EXOC6B: variants seen among roughly 807,000 people sequenced by gnomAD.
The protein encoded by EXOC6B is SEC15 homolog B.
A neutral mutation model predicts 113.5 loss-of-function variants in EXOC6B; 54 were observed. The observed-to-expected ratio is 0.48, with a 90% CI of 0.38 to 0.60. The LOEUF is 0.60. Among genes scored for constraint, EXOC6B ranks in the 20% least tolerant of loss-of-function variants. The pLI is 0.00. For missense variants in EXOC6B, 797 were observed against 977.5 expected (o/e 0.82, Z 2.46); for synonymous variants, 357 against 339.0 (o/e 1.05, Z -0.58).
At chr2:72,402,457 T>G (rs577334513) in intron 18 of EXOC6B, among the ~76,000 whole-genome samples, 1 of 142,346 alleles carries the variant, frequency 7.0e-6, no homozygotes, top group South Asian at 2.1e-4. Context: ...TTTCTTCATA[T>G]GGCCTTCAGT....
chr2:72,454,094 C>T (rs887370940), intron 18 of EXOC6B, among the ~76,000 whole-genome samples: 14 of 152,222 alleles, frequency 9.2e-5, no homozygotes, highest in South Asian at 2.1e-4. Flanking sequence ...CCCTGACACG[C>T]GGGGATTATT....
At chr2:72,418,775 T>C (rs1426215856) in intron 18 of EXOC6B, among the ~76,000 whole-genome samples, 1 of 152,164 alleles carries the variant, frequency 6.6e-6, no homozygotes, top group East Asian at 1.9e-4. Context: ...AACTCTGTCC[T>C]TTGACTGGAG....
intron 5 of EXOC6B, 51 bp from the exon 6 acceptor site, chr2:72,718,358 G>A: frequency 1.3e-6 from 2 of 1,516,208 alleles, no homozygotes; most frequent in Admixed American, 1.8e-5. Context: ...TTTAGGGTTA[G>A]GCAAAATGTC....
At position 72,809,624 on chromosome 2, in the gene EXOC6B, A is replaced by G. The variant is rs921642606; in HGVS notation, c.113+16174T>C. 2.0e-5 allele frequency among the ~76,000 whole-genome samples: 3 copies of G among 152,316 alleles called. No homozygotes were observed. In the East Asian group the frequency reaches 5.8e-4, roughly 29 times the overall value. Reference sequence around the variant, plus strand: ...ACAACAGAGAAAATCAAATAAACAAAGTTTCGGTTTTTTGAAAAGATAAAA... The same window carrying G: ...ACAACAGAGAAAATCAAATAAACAAGGTTTCGGTTTTTTGAAAAGATAAAA... On this transcript the variant is annotated intron_variant, in intron 1 of 21. Transcript: ENST00000272427.
intron 1 of EXOC6B, among the ~76,000 whole-genome samples, chr2:72,790,448 GA>G (rs1684614153): frequency 6.6e-6 from 1 of 152,078 alleles, no homozygotes; most frequent in Admixed American, 6.6e-5. Flanking sequence ...CTTTCATAGG[GA>G]AAAAATTAAA....
intron 8 of EXOC6B, among the ~76,000 whole-genome samples, chr2:72,546,399 G>A (rs1188958905): frequency 2.6e-5 from 4 of 152,026 alleles, no homozygotes; most frequent in African/African-American, 4.8e-5. Flanking sequence ...CCAAGATGGC[G>A]CCATTGCACT....
chr2:72,184,287 G>A, intron 20 of EXOC6B, 100 bp from the exon 21 acceptor site: 14 of 578,854 alleles, frequency 2.4e-5, no homozygotes, highest in South Asian at 5.2e-5. Flanking sequence ...CTAATAAATT[G>A]GATATATAAA....
At chr2:72,513,335 A>G in intron 10 of EXOC6B, 83 bp from the exon 11 acceptor site, 1 of 1,504,776 alleles carries the variant, frequency 6.6e-7, no homozygotes, top group African/African-American at 1.4e-5. Context: ...GCATTAAGAG[A>G]TACCATCAAA....
chr2:72,318,778 T>A (rs1170752848), intron 20 of EXOC6B, among the ~76,000 whole-genome samples: 1 of 151,976 alleles, frequency 6.6e-6, no homozygotes, highest in Non-Finnish European at 1.5e-5. Context: ...GAATTGAAAA[T>A]ATGGACACTA....
chr2:72,816,299 A>G (rs183804998), intron 1 of EXOC6B, among the ~76,000 whole-genome samples: 27 of 152,316 alleles, frequency 1.8e-4, no homozygotes, highest in African/African-American at 5.8e-4. Flanking sequence ...ATAAACCATG[A>G]TATATTTACA....
At chr2:72,740,964 C>T (rs569550693) in intron 2 of EXOC6B, among the ~76,000 whole-genome samples, 1 of 151,984 alleles carries the variant, frequency 6.6e-6, no homozygotes, top group South Asian at 2.1e-4. Context: ...ATTAGCCGGG[C>T]GTGGTGGTGG....
intron 18 of EXOC6B, among the ~76,000 whole-genome samples, chr2:72,408,334 A>G (rs932068194): frequency 6.6e-6 from 1 of 152,170 alleles, no homozygotes; most frequent in African/African-American, 2.4e-5. Flanking sequence ...CAAGCTACAA[A>G]TGACTTTCTT....
Position 72,195,896 on chromosome 2 carries a change from T to C in EXOC6B, c.2197-11709A>G, listed in dbSNP as rs574312971. Among the ~76,000 whole-genome samples the C allele has an allele frequency of 9.8e-5, 15 of 152,344 alleles. No individual in the cohort carries two copies. In the South Asian group the frequency reaches 2.9e-3, roughly 29 times the overall value. On this transcript the variant is annotated intron_variant, in intron 20 of 21. Coordinates refer to ENST00000272427, the MANE Select transcript of EXOC6B (RefSeq NM_015189.3). ...GAAATTTACTTAACCTGAGTACATATTGTGCCTTGAATTATTAATATTAGT... is the reference window on the plus strand; with the variant it reads ...GAAATTTACTTAACCTGAGTACATACTGTGCCTTGAATTATTAATATTAGT...
At chr2:72,434,616 T>C (rs1190960864) in intron 18 of EXOC6B, among the ~76,000 whole-genome samples, 1 of 152,240 alleles carries the variant, frequency 6.6e-6, no homozygotes, top group Non-Finnish European at 1.5e-5. Context: ...ATTCAACTTC[T>C]TCCTGGTTTA....
At chr2:72,537,467 A>C (rs1277370963) in intron 8 of EXOC6B, among the ~76,000 whole-genome samples, 1 of 151,376 alleles carries the variant, frequency 6.6e-6, no homozygotes, top group Non-Finnish European at 1.5e-5. Flanking sequence ...AAAAAAAAAA[A>C]AACCCCACAA....
chr2:72,771,073 A>G (rs1396702979), intron 1 of EXOC6B, among the ~76,000 whole-genome samples: 1 of 152,172 alleles, frequency 6.6e-6, no homozygotes, highest in African/African-American at 2.4e-5. Context: ...GGGGCAGCAG[A>G]GCATAAAGAG....
At chr2:72,635,880 G>A (rs975095812) in intron 6 of EXOC6B, among the ~76,000 whole-genome samples, 14 of 152,194 alleles carry the variant, frequency 9.2e-5, no homozygotes, top group African/African-American at 3.4e-4. Flanking sequence ...TCCAGGAATG[G>A]AAGGTTGCTT....
chr2:72,636,581 G>A (rs1477370268), intron 6 of EXOC6B, among the ~76,000 whole-genome samples: 1 of 151,960 alleles, frequency 6.6e-6, no homozygotes, highest in Non-Finnish European at 1.5e-5. Flanking sequence ...GGAAGAAAAA[G>A]CACCATATGA....
chr2:72,772,647 A>G (rs1683471357), intron 1 of EXOC6B, among the ~76,000 whole-genome samples: 1 of 151,802 alleles, frequency 6.6e-6, no homozygotes, highest in African/African-American at 2.4e-5. Flanking sequence ...GATCCTATAA[A>G]CCCAGGTGCT....
Sources: allele counts gnomAD v4.1 joint callset (sites outside exome capture counted in the v4.1 genomes callset), GRCh38; gene constraint gnomAD v4.1.1; transcripts MANE v1.5; gene names NCBI Gene and HGNC (gene_info 2026-07-23, HGNC 2026-07-21).